BMP2K: variants seen among roughly 807,000 people sequenced by gnomAD.
The protein encoded by BMP2K is BMP2 inducible kinase, also known as BMP-2-inducible protein kinase.
In BMP2K, 74 loss-of-function variants were observed where a neutral mutation model predicts 116.0. That is an observed-to-expected ratio of 0.64 (90% CI 0.53 to 0.77). BMP2K has a LOEUF of 0.77. Ranked by LOEUF, BMP2K falls within the 30% of genes least tolerant of loss-of-function variation. The probability of loss-of-function intolerance (pLI) is 0.00; values close to 1 mark genes in which losing one functional copy is unlikely to be tolerated. For missense variants in BMP2K, 1,365 were observed against 1,403.6 expected, an observed-to-expected ratio of 0.97 and a Z score of 0.44; for synonymous variants, 486 against 502.5, an observed-to-expected ratio of 0.97 and a Z score of 0.44.
At chr4:78,813,512 C>T (rs189447311) in intron 1 of BMP2K, among the ~76,000 whole-genome samples, 70 of 152,284 alleles carry the variant, frequency 4.6e-4, no homozygotes, top group African/African-American at 1.5e-3. Flanking sequence ...TTACTCTGAC[C>T]TCTCTTATTT....
At chr4:78,846,486 G>T (rs1731005150) in intron 5 of BMP2K, among the ~76,000 whole-genome samples, 1 of 151,594 alleles carries the variant, frequency 6.6e-6, no homozygotes, top group African/African-American at 2.4e-5. Flanking sequence ...TGTGATATAG[G>T]ATGTCCATTC....
intron 15 of BMP2K, chr4:78,898,835 G>A (rs1733848489): frequency 1.3e-5 from 2 of 152,082 alleles, no homozygotes; most frequent in South Asian, 4.1e-4. Flanking sequence ...CTGAGAAGTA[G>A]TGATTAAAAG....
intron 2 of BMP2K, among the ~76,000 whole-genome samples, chr4:78,832,170 A>G (rs905752238): frequency 5.3e-5 from 8 of 152,114 alleles, no homozygotes; most frequent in Non-Finnish European, 1.0e-4. Flanking sequence ...ATGTGCATGC[A>G]TCTATTTGCT....
chr4:78,851,528 G>A (rs531148490), intron 7 of BMP2K, among the ~76,000 whole-genome samples: 1 of 152,116 alleles, frequency 6.6e-6, no homozygotes, highest in South Asian at 2.1e-4. Context: ...CTTTTAACAC[G>A]GAGTGTGTCT....
At chr4:78,848,516 G>A (rs1030656011) in intron 6 of BMP2K, among the ~76,000 whole-genome samples, 4 of 151,488 alleles carry the variant, frequency 2.6e-5, no homozygotes, top group African/African-American at 9.7e-5. Context: ...TACTTGAAAA[G>A]AGTATTTCAA....
chr4:78,856,830 G>A (rs1731528450), intron 7 of BMP2K, among the ~76,000 whole-genome samples: 1 of 152,096 alleles, frequency 6.6e-6, no homozygotes, highest in Non-Finnish European at 1.5e-5. Flanking sequence ...ACAGAGACAG[G>A]TTACTTACAA....
intron 1 of BMP2K, among the ~76,000 whole-genome samples, chr4:78,787,874 C>T (rs867726800): frequency 7.9e-5 from 12 of 152,162 alleles, no homozygotes; most frequent in Non-Finnish European, 1.6e-4. Context: ...TTCCAGTACA[C>T]TATTTCCCCT....
intron 7 of BMP2K, among the ~76,000 whole-genome samples, chr4:78,852,191 T>C (rs2110034807): frequency 6.6e-6 from 1 of 152,178 alleles, no homozygotes; most frequent in Non-Finnish European, 1.5e-5. Flanking sequence ...GGTGGGGTTA[T>C]GTGTGTTTGT....
intron 1 of BMP2K, among the ~76,000 whole-genome samples, chr4:78,791,531 C>T (rs937656900): frequency 1.3e-5 from 2 of 150,068 alleles, no homozygotes; most frequent in African/African-American, 2.5e-5. Context: ...AATTGTTGTG[C>T]ATTCATCATC....
intron 1 of BMP2K, among the ~76,000 whole-genome samples, chr4:78,809,650 A>T (rs1480812704): frequency 6.6e-6 from 1 of 150,514 alleles, no homozygotes; most frequent in Non-Finnish European, 1.5e-5. Context: ...AGGGTGTTGG[A>T]ATTATAAATG....
Position 78,861,424 on chromosome 4 carries a change from G to C in BMP2K, c.1023G>C (p.Met341Ile), listed in dbSNP as rs1457539340. ...SSIPSALPEP[M>I]TASEAAARKS... ...TTCCTTCAGCTCTTCCTGAACCGAT[G>C]ACTGCTAGTGAAGCAGCTGCTAGGA... Residue 341 changes from methionine (M) to isoleucine (I), a missense_variant, in exon 9 of 16, where the codon ATG becomes ATC. Physicochemically the swap from Met to Ile is conservative, Grantham distance 10. This residue lies in a region of BMP2K where 762 missense variants were observed against 756.7 expected (regional missense o/e 1.01). Coordinates refer to ENST00000502613, the MANE Select transcript of BMP2K (RefSeq NM_198892.2). 7 of 1,607,430 alleles carry C rather than the reference G, an allele frequency of 4.4e-6. No individual in the cohort carries two copies. Among genetic ancestry groups the C allele is most frequent in the Non-Finnish European group, 6.0e-6 (7 of 1,175,964 alleles).
intron 1 of BMP2K, among the ~76,000 whole-genome samples, chr4:78,800,436 C>T (rs1256676466): frequency 2.0e-5 from 3 of 152,078 alleles, no homozygotes; most frequent in Non-Finnish European, 4.4e-5. Context: ...ACTTAATTAC[C>T]ATGTTTCCTA....
chr4:78,901,307 TA>T (rs1733994768), intron 15 of BMP2K, among the ~76,000 whole-genome samples: 1 of 152,068 alleles, frequency 6.6e-6, no homozygotes, highest in Admixed American at 6.6e-5. Context: ...GAAAGCCTTT[TA>T]CCTCAGCCTC....
intron 1 of BMP2K, 79 bp downstream of exon 1, chr4:78,776,800 C>G: frequency 1.7e-6 from 2 of 1,159,838 alleles, no homozygotes; most frequent in Non-Finnish European, 2.2e-6. Flanking sequence ...GGTCCTCGCC[C>G]TCCGGACTGA....
At chr4:78,781,502 T>C (rs1294720649) in intron 1 of BMP2K, among the ~76,000 whole-genome samples, 1 of 151,582 alleles carries the variant, frequency 6.6e-6, no homozygotes, top group Non-Finnish European at 1.5e-5. Flanking sequence ...GGATGAGATA[T>C]CTGAGAGGAA....
intron 15 of BMP2K, 52 bp from the exon 16 acceptor site, chr4:78,910,558 A>G: frequency 7.4e-7 from 1 of 1,357,394 alleles, no homozygotes. Flanking sequence ...TTAGTGCAAG[A>G]GGATTCTGAA....
chr4:78,812,840 C>T (rs1729153738), intron 1 of BMP2K, among the ~76,000 whole-genome samples: 1 of 152,102 alleles, frequency 6.6e-6, no homozygotes, highest in Non-Finnish European at 1.5e-5. Flanking sequence ...GGAGACCAGC[C>T]TGGGCAACAT....
At position 78,860,849 on chromosome 4, in the gene BMP2K, C is replaced by T. The variant is rs183497190; in HGVS notation, c.988-540C>T. ...TTCTCTGTTGAAGCTGAAAGCTTTG[C>T]AGTTCTAAAAGTAGATAAGTAGACT... On this transcript the variant is annotated intron_variant, in intron 8 of 15. Coordinates refer to ENST00000502613, the MANE Select transcript of BMP2K (RefSeq NM_198892.2). Among the ~76,000 whole-genome samples the T allele has an allele frequency of 1.1e-4, 15 of 137,928 alleles. No homozygotes were observed. In the Admixed American group the frequency reaches 1.2e-3, roughly 11 times the overall value. The allele number at this position is 137,928 out of a possible 152,430, so 90.5% of individuals were successfully genotyped here. A position where few individuals can be genotyped will look rare whatever the true frequency, so the allele number is the denominator to read the frequency against.
Position 78,858,782 on chromosome 4 carries a change from A to G in BMP2K, c.884-802A>G, listed in dbSNP as rs569834143. Among the ~76,000 whole-genome samples the G allele has an allele frequency of 6.3e-3, 685 of 107,888 alleles. 3 individuals are homozygous for G. Among genetic ancestry groups the G allele is most frequent in the African/African-American group, 0.059 (648 of 10,960 alleles). The allele number at this position is 107,888 out of a possible 152,430, so 70.8% of individuals were successfully genotyped here. ...AAGGATTTAAACATTATAACAACTT[A>G]GAGTTAATGAAGCAGAGGTAGACTT... On this transcript the variant is annotated intron_variant, in intron 7 of 15. Transcript: ENST00000502613.
Sources: gnomAD v4.1 joint callset for allele counts (sites outside exome capture counted in the v4.1 genomes callset) on GRCh38, gnomAD v4.1.1 for gene constraint, gnomAD v4.1.1 regional missense constraint, MANE v1.5 for transcripts, NCBI Gene and HGNC (gene_info 2026-07-23, HGNC 2026-07-21) for gene names.